GLIS3: variants seen among roughly 807,000 people sequenced by gnomAD.
The protein encoded by GLIS3 is zinc finger protein GLIS3.
GLIS3 carries 53 observed loss-of-function variants against 78.6 expected under a neutral mutation model. The observed-to-expected ratio is 0.67, with a 90% CI of 0.54 to 0.85. GLIS3 has a LOEUF of 0.85. Among genes scored for constraint, GLIS3 ranks in the 40% least tolerant of loss-of-function variants. GLIS3 has a pLI of 0.00. For missense variants in GLIS3, 1,703 were observed against 1,231.1 expected, an observed-to-expected ratio of 1.38 and a Z score of -5.74; for synonymous variants, 684 against 509.9, an observed-to-expected ratio of 1.34 and a Z score of -4.60.
At chr9:4,283,411 G>C (rs374005765) in intron 2 of GLIS3, among the ~76,000 whole-genome samples, 2 of 151,820 alleles carry the variant, frequency 1.3e-5, no homozygotes, top group Non-Finnish European at 2.9e-5. Context: ...GATTACAGGC[G>C]CCCACCACCA....
chr9:3,945,189 A>C (rs1350428983), intron 4 of GLIS3, among the ~76,000 whole-genome samples: 2 of 152,178 alleles, frequency 1.3e-5, no homozygotes, highest in Non-Finnish European at 2.9e-5. Flanking sequence ...AAAGCAACCA[A>C]AGTATTTGAT....
At chr9:3,927,252 G>C (rs552585010) in intron 6 of GLIS3, among the ~76,000 whole-genome samples, 12 of 152,288 alleles carry the variant, frequency 7.9e-5, no homozygotes, top group African/African-American at 2.2e-4. Context: ...GATATTCCTT[G>C]AGACTGTACT....
At chr9:4,281,414 T>C (rs1270907339) in intron 2 of GLIS3, among the ~76,000 whole-genome samples, 1 of 152,214 alleles carries the variant, frequency 6.6e-6, no homozygotes, top group Non-Finnish European at 1.5e-5. Context: ...ACTGAAGCTC[T>C]GTACCCATCA....
At chr9:4,064,929 A>G (rs2130590296) in intron 4 of GLIS3, among the ~76,000 whole-genome samples, 1 of 152,270 alleles carries the variant, frequency 6.6e-6, no homozygotes, top group East Asian at 1.9e-4. Flanking sequence ...AGCTGTAAGT[A>G]TTTGTAGATG....
intron 6 of GLIS3, among the ~76,000 whole-genome samples, chr9:3,918,202 G>A (rs1824648662): frequency 6.6e-6 from 1 of 152,136 alleles, no homozygotes; most frequent in South Asian, 2.1e-4. Context: ...GGACTATCCT[G>A]AATATTTAGG....
At chr9:4,359,750 C>A in the GLIS3 span, among the ~76,000 whole-genome samples, 10 of 152,030 alleles carry the variant, frequency 6.6e-5, no homozygotes, top group African/African-American at 2.4e-4. Context: ...AAGTTAACAT[C>A]AAGAATTATT....
intron 2 of GLIS3, among the ~76,000 whole-genome samples, chr9:4,212,678 G>A (rs759984619): frequency 2.0e-5 from 3 of 152,212 alleles, no homozygotes; most frequent in Non-Finnish European, 2.9e-5. Context: ...CAAAGGAAAA[G>A]AGTTTTCCAT....
intron 2 of GLIS3, among the ~76,000 whole-genome samples, chr9:4,180,776 C>A (rs565808084): frequency 7.9e-5 from 12 of 152,242 alleles, no homozygotes; most frequent in Non-Finnish European, 1.5e-4. Flanking sequence ...GTAAGTCCAC[C>A]ACCATCCCAA....
At chr9:4,460,024 G>A in the GLIS3 span, among the ~76,000 whole-genome samples, 11 of 152,158 alleles carry the variant, frequency 7.2e-5, no homozygotes, top group African/African-American at 2.4e-4. Flanking sequence ...CCGCTAAAGT[G>A]GTGCTGAATT....
chr9:4,091,090 C>G (rs1426406490), intron 4 of GLIS3, among the ~76,000 whole-genome samples: 2 of 152,174 alleles, frequency 1.3e-5, no homozygotes, highest in African/African-American at 4.8e-5. Context: ...CATGGTGGCT[C>G]ATGCCTGTAA....
chr9:4,467,866 A>C, the GLIS3 span, among the ~76,000 whole-genome samples: 2 of 152,228 alleles, frequency 1.3e-5, no homozygotes, highest in South Asian at 4.1e-4. Flanking sequence ...GATCAAACCC[A>C]TCACAAAGAA....
chr9:4,420,165 C>T, the GLIS3 span, among the ~76,000 whole-genome samples: 746 of 152,226 alleles, frequency 4.9e-3, 2 homozygotes, highest in African/African-American at 0.017. Context: ...AATGGGCAAC[C>T]AAAATTGAAA....
the GLIS3 span, among the ~76,000 whole-genome samples, chr9:4,405,404 AAAAG>A: frequency 6.6e-6 from 1 of 151,728 alleles, no homozygotes; most frequent in East Asian, 1.9e-4. Flanking sequence ...AGAAAGAAAG[AAAAG>A]AAAGAAATTC....
At chr9:4,114,289 C>T (rs1273845418) in intron 4 of GLIS3, among the ~76,000 whole-genome samples, 1 of 152,164 alleles carries the variant, frequency 6.6e-6, no homozygotes, top group Non-Finnish European at 1.5e-5. Flanking sequence ...ATCTACAGTA[C>T]AAACGTTCTC....
At chr9:4,407,858 C>T in the GLIS3 span, among the ~76,000 whole-genome samples, 1 of 152,034 alleles carries the variant, frequency 6.6e-6, no homozygotes, top group African/African-American at 2.4e-5. Flanking sequence ...TATTTGAACA[C>T]TACCCATTTG....
intron 2 of GLIS3, among the ~76,000 whole-genome samples, chr9:4,343,957 T>G (rs1001734891): frequency 1.3e-5 from 2 of 152,154 alleles, no homozygotes; most frequent in Admixed American, 6.5e-5. Flanking sequence ...AAAATCTACC[T>G]ATTAGGTACT....
At chr9:4,476,278 T>G in the GLIS3 span, among the ~76,000 whole-genome samples, 1 of 152,172 alleles carries the variant, frequency 6.6e-6, no homozygotes, top group Non-Finnish European at 1.5e-5. Context: ...ATATAGTAAT[T>G]TGATTATATA....
At chr9:4,339,086 T>C (rs1429139108) in intron 2 of GLIS3, among the ~76,000 whole-genome samples, 1 of 152,208 alleles carries the variant, frequency 6.6e-6, no homozygotes, top group Non-Finnish European at 1.5e-5. Context: ...AGACTGTCCA[T>C]ACAACACTAC....
chr9:4,422,648 G>C, the GLIS3 span, among the ~76,000 whole-genome samples: 2 of 152,246 alleles, frequency 1.3e-5, no homozygotes, highest in Non-Finnish European at 2.9e-5. Context: ...ACCGGGGGAA[G>C]TCAGAGCAAA....
Sources: allele counts gnomAD v4.1 joint callset (sites outside exome capture counted in the v4.1 genomes callset), GRCh38; gene constraint gnomAD v4.1.1; transcripts MANE v1.5; gene names NCBI Gene and HGNC (gene_info 2026-07-23, HGNC 2026-07-21).